Variants in RNF10 observed in about 807,000 individuals in gnomAD.
RNF10 encodes E3 ubiquitin-protein ligase RNF10.
A neutral mutation model predicts 91.4 loss-of-function variants in RNF10; 38 were observed. The observed-to-expected ratio is 0.42, with a 90% confidence interval of 0.32 to 0.54. RNF10 has a LOEUF of 0.54. Ranked by LOEUF, RNF10 falls within the 20% of genes least tolerant of loss-of-function variation. The pLI is 0.16. For synonymous variants in RNF10, 364 were observed against 366.3 expected (o/e 0.99, Z 0.07); for missense variants, 945 against 1,012.0 (o/e 0.93, Z 0.90).
rs1874201707 is a variant in RNF10, at chr12:120,557,401, G to A, written c.765G>A (p.Leu255=). ...CATGCATCCTGCACTATCTTTCACT[G>A]AGTGAGAAGACGTGGAGTAAATGTC... ...CWACILHYLS[L]SEKTWSKCPI... Residue 255 remains leucine (L), a synonymous_variant, in exon 5 of 17, where the codon CTG becomes CTA. Transcript: ENST00000325954. The A allele has an allele frequency of 1.2e-6, 2 of 1,614,148 alleles. No individual in the cohort carries two copies. Among genetic ancestry groups the A allele is most frequent in the East Asian group, 4.5e-5 (2 of 44,878 alleles).
At chr12:120,572,853 A>G (rs1876849207) in intron 14 of RNF10, among the ~76,000 whole-genome samples, 3 of 148,566 alleles carry the variant, frequency 2.0e-5, no homozygotes, top group African/African-American at 2.5e-5. Flanking sequence ...CACCTGCCTC[A>G]GCCTCCCAAA....
chr12:120,565,210 C>T (rs771128580), intron 11 of RNF10, 21 bp downstream of exon 11: 2 of 1,496,208 alleles, frequency 1.3e-6, no homozygotes, highest in Non-Finnish European at 1.9e-6. Flanking sequence ...CCCTGCTCTG[C>T]TTCTCTTTAT....
intron 13 of RNF10, among the ~76,000 whole-genome samples, chr12:120,568,420 T>C (rs1297126562): frequency 6.6e-6 from 1 of 152,124 alleles, no homozygotes; most frequent in Non-Finnish European, 1.5e-5. Flanking sequence ...AGAGTTACTA[T>C]AATTTCAGAG....
At chr12:120,545,756 C>T (rs1416592986) in intron 1 of RNF10, among the ~76,000 whole-genome samples, 1 of 152,154 alleles carries the variant, frequency 6.6e-6, no homozygotes, top group East Asian at 1.9e-4. Flanking sequence ...CCAGGCTGGT[C>T]TCAAACTCCT....
chr12:120,551,586 A>G (rs1304764870), intron 2 of RNF10, among the ~76,000 whole-genome samples: 10 of 151,726 alleles, frequency 6.6e-5, no homozygotes, highest in Non-Finnish European at 1.3e-4. Context: ...GGCATGAGCT[A>G]CTATTCCTGG....
At chr12:120,558,702 G>A (rs1230982988) in intron 6 of RNF10, among the ~76,000 whole-genome samples, 1 of 151,194 alleles carries the variant, frequency 6.6e-6, no homozygotes, top group Non-Finnish European at 1.5e-5. Flanking sequence ...CCGAGTAGCT[G>A]GGACTACAGG....
At chr12:120,536,847 CAATA>C (rs1870898810) in intron 1 of RNF10, among the ~76,000 whole-genome samples, 1 of 152,168 alleles carries the variant, frequency 6.6e-6, no homozygotes, top group Admixed American at 6.5e-5. Context: ...TAGTCAGTTG[CAATA>C]AATGCCTTAA....
chr12:120,552,600 C>T lies in RNF10; in HGVS notation c.456C>T (p.Gly152=). ...HLLNFTFEPR[G]QTGHFEGSGH... is the part of the protein sequence containing the mutation. ...TGAATTTCACTTTTGAACCCCGTGG[C>T]CAGACGGGTCACTTTGAAGGCAGTG... The change falls in exon 3 of 17, where the codon GGC becomes GGT. Residue 152 remains glycine, a synonymous_variant. Coordinates refer to ENST00000325954, the MANE Select transcript of RNF10 (RefSeq NM_014868.5). 1 of 1,614,116 alleles carries T rather than the reference C, an allele frequency of 6.2e-7. No homozygotes were observed.
intron 15 of RNF10, 45 bp from the exon 16 acceptor site, chr12:120,575,747 T>C (rs1377707836): frequency 6.2e-7 from 1 of 1,614,000 alleles, no homozygotes; most frequent in Non-Finnish European, 8.5e-7. Flanking sequence ...AGGCTGTTTC[T>C]AGAAAAAGAG....
chr12:120,560,991 G>A, intron 7 of RNF10, 105 bp downstream of exon 7: 1 of 1,140,128 alleles, frequency 8.8e-7, no homozygotes, highest in African/African-American at 1.5e-5. Flanking sequence ...TGAGATGATG[G>A]ACGCTGGGGA....
chr12:120,566,019 T>G (rs1047850182), intron 12 of RNF10, among the ~76,000 whole-genome samples: 2 of 152,230 alleles, frequency 1.3e-5, no homozygotes, highest in Non-Finnish European at 2.9e-5. Flanking sequence ...TAAGTTTCAT[T>G]GAATCCAGGG....
intron 4 of RNF10, among the ~76,000 whole-genome samples, 195 bp downstream of exon 4, chr12:120,555,003 G>A (rs1873756526): frequency 6.6e-6 from 1 of 152,162 alleles, no homozygotes; most frequent in Non-Finnish European, 1.5e-5. Flanking sequence ...GGCCTGTAGG[G>A]ATGGTGTATG....
At chr12:120,541,055 C>G (rs536614338) in intron 1 of RNF10, among the ~76,000 whole-genome samples, 9 of 152,226 alleles carry the variant, frequency 5.9e-5, no homozygotes, top group Non-Finnish European at 1.0e-4. Flanking sequence ...CGGGGTTTCT[C>G]CATGTTGGTC....
rs114414203 is a variant in RNF10 at position 120,566,020 on chromosome 12, G to C, written c.1885+491G>C. 2.7e-3 allele frequency among the ~76,000 whole-genome samples: 409 copies of C among 152,346 alleles called. 1 individual carries two copies. Among genetic ancestry groups the C allele is most frequent in the African/African-American group, 9.5e-3 (397 of 41,578 alleles). On this transcript the variant is annotated intron_variant, in intron 12 of 16. Coordinates refer to ENST00000325954, the MANE Select transcript of RNF10 (RefSeq NM_014868.5). ...CTGGTTCTCCAAAATAAGTTTCATT[G>C]AATCCAGGGGATTAGTGTGACCTGA...
intron 4 of RNF10, among the ~76,000 whole-genome samples, chr12:120,555,723 T>C (rs1873887336): frequency 6.6e-6 from 1 of 151,960 alleles, no homozygotes; most frequent in African/African-American, 2.4e-5. Context: ...CTTGAATTCC[T>C]GACCTCAGGT....
At chr12:120,561,553 G>C (rs80201714) in intron 7 of RNF10, among the ~76,000 whole-genome samples, 4,461 of 152,260 alleles carry the variant, frequency 0.029, 226 homozygotes, top group African/African-American at 0.1. Context: ...AGCAATAGAA[G>C]CCCATATTTA....
chr12:120,569,424 G>A (rs1876258521), intron 13 of RNF10, among the ~76,000 whole-genome samples: 1 of 152,134 alleles, frequency 6.6e-6, no homozygotes, highest in South Asian at 2.1e-4. Context: ...CAAGAACTGG[G>A]ATTAGAACCT....
Position 120,534,901 on chromosome 12 carries a change from C to T in RNF10, c.90C>T (p.Ser30=). The change falls in exon 1 of 17, where the codon AGC becomes AGT. Residue 30 remains serine, a synonymous_variant. Transcript: ENST00000325954. ...ACAGCTCCTCCGCCTCTTCGGGCAG[C>T]AGCAAAGGGCAACAGCCGCCCCGCT... ...GSNSSSASSG[S]SKGQQPPRSA... 6.2e-7 allele frequency: 1 copy of T among 1,607,792 alleles called. No homozygotes were observed. Among genetic ancestry groups the T allele is most frequent in the Non-Finnish European group, 8.5e-7 (1 of 1,179,550 alleles).
chr12:120,569,011 C>T (rs1876191578), intron 13 of RNF10, among the ~76,000 whole-genome samples: 1 of 152,062 alleles, frequency 6.6e-6, no homozygotes, highest in East Asian at 1.9e-4. Context: ...GCTCTTGTTG[C>T]CCAGGCTGGA....
Sources: gnomAD v4.1 joint callset for allele counts (sites outside exome capture counted in the v4.1 genomes callset) on GRCh38, gnomAD v4.1.1 for gene constraint, MANE v1.5 for transcripts, NCBI Gene and HGNC (gene_info 2026-07-23, HGNC 2026-07-21) for gene names.